Variants in XCL2 observed in about 807,000 individuals in gnomAD.
XCL2 encodes cytokine SCM-1 beta.
Under a neutral mutation model 7.2 loss-of-function variants are expected in XCL2, and 8 were observed. The ratio of observed to expected loss-of-function variants is 1.10; its 90% CI spans 0.65 to 1.99. The LOEUF (loss-of-function observed/expected upper bound fraction) is 1.99, where lower values mean the gene tolerates loss of function less well. Ranked by LOEUF, XCL2 falls within the 30% of genes most tolerant of loss-of-function variation. The pLI, the probability that XCL2 is intolerant of heterozygous loss-of-function variation, is 0.00. For missense variants in XCL2, 131 were observed against 138.6 expected (o/e 0.94, Z 0.28); for synonymous variants, 46 against 54.2 (o/e 0.85, Z 0.67).
At chr1:168,542,474 T>C (rs1737519) in intron 1 of XCL2, among the ~76,000 whole-genome samples, 5 of 152,160 alleles carry the variant, frequency 3.3e-5, no homozygotes, top group Non-Finnish European at 5.9e-5. Flanking sequence ...ACATGTTTTA[T>C]TAAGACAGAC....
chr1:168,541,730 C>A (rs1206283144), intron 2 of XCL2, among the ~76,000 whole-genome samples: 5 of 152,164 alleles, frequency 3.3e-5, no homozygotes, highest in Non-Finnish European at 7.3e-5. Flanking sequence ...CAGAGCTGTG[C>A]ACAGTATTCA....
intron 1 of XCL2, chr1:168,542,889 T>A (rs921613441): frequency 4.4e-6 from 1 of 229,816 alleles, no homozygotes; most frequent in African/African-American, 2.3e-5. Flanking sequence ...AAAAGAGACC[T>A]CCACTGCTTT....
intron 1 of XCL2, among the ~76,000 whole-genome samples, chr1:168,542,366 C>T (rs1185408824): frequency 5.3e-5 from 8 of 151,792 alleles, no homozygotes; most frequent in Admixed American, 5.3e-4. Flanking sequence ...GATGTTATCC[C>T]GTCTCTGTGT....
intron 2 of XCL2, among the ~76,000 whole-genome samples, chr1:168,541,774 CTTCTA>C (rs1654288728): frequency 6.6e-6 from 1 of 152,152 alleles, no homozygotes; most frequent in Non-Finnish European, 1.5e-5. Flanking sequence ...TAGAGGAGGA[CTTCTA>C]TTCTTTCTTT....
Position 168,541,891 on chromosome 1 carries a change from C to G in XCL2, c.176+102G>C, listed in dbSNP as rs1012993052. 75 of 1,000,476 alleles carry G rather than the reference C, an allele frequency of 7.5e-5. No individual in the cohort carries two copies. The Admixed American group carries it at 1.7e-3, about 23-fold the overall frequency. 62.0% of individuals were successfully genotyped at this position (1,000,476 alleles called of 1,614,324 possible). On this transcript the variant is annotated intron_variant, in intron 2 of 2. Coordinates refer to ENST00000367819, the MANE Select transcript of XCL2 (RefSeq NM_003175.4). ...TTTTTGGTTAAGTTGAGGTGTTCCT[C>G]TATGCTGACCTACTTTTCCTGAGGA...
chr1:168,540,931 C>T lies in XCL2; in HGVS notation c.*21G>A, dbSNP rs749132785. On this transcript the variant is annotated 3_prime_UTR_variant, in exon 3 of 3. Transcript: ENST00000367819. ...GTGAAATGAGCTGGCTGGCTGGAGA[C>T]GGACAGGGTGCCAGAGACTACTAGC... The T allele has an allele frequency of 5.7e-5, 92 of 1,609,942 alleles. No homozygotes were observed. The Middle Eastern group carries it at 6.6e-4, about 12-fold the overall frequency.
In XCL2 at chr1:168,541,028, G is replaced by C; in HGVS notation, c.269C>G (p.Thr90Ser). The C allele has an allele frequency of 6.2e-7, 1 of 1,613,658 alleles. No individual in the cohort carries two copies. The highest frequency in any genetic ancestry group is 8.5e-7 in the Non-Finnish European group (1 of 1,179,720). Reference sequence around the variant, plus strand: ...CTTGGTCTGGATCATGTTATTTCTGGTGTTGGATTTCCTGTCCATGCTCCT... The same window carrying C: ...CTTGGTCTGGATCATGTTATTTCTGCTGTTGGATTTCCTGTCCATGCTCCT... ...VVRSMDRKSN[T>S]RNNMIQTKPT... Residue 90 changes from threonine (T) to serine (S), a missense_variant, in exon 3 of 3, where the codon ACC becomes AGC. Physicochemically the swap from Thr to Ser is moderately conservative, Grantham distance 58. Transcript: ENST00000367819.
intron 2 of XCL2, among the ~76,000 whole-genome samples, chr1:168,541,760 C>A (rs543310970): frequency 2.6e-5 from 4 of 152,166 alleles, no homozygotes; most frequent in Admixed American, 1.3e-4. Flanking sequence ...TCCACTAAGA[C>A]AAATAGAGGA....
rs749535844 is a variant in XCL2 at position 168,543,890 on chromosome 1, G to A, written c.61+14C>T. The stretch of plus-strand genomic sequence containing the variant: ...CTCCCTATTCTTTATCTCACAGACA[G>A]CTTCTCCACTTACCTTCCACAATGT... On this transcript the variant is annotated intron_variant, in intron 1 of 2. Transcript: ENST00000367819. The A allele has an allele frequency of 1.3e-6, 2 of 1,598,462 alleles. No individual in the cohort carries two copies. Among genetic ancestry groups the A allele is most frequent in the East Asian group, 2.2e-5 (1 of 44,834 alleles).
intron 1 of XCL2, chr1:168,542,949 A>T: frequency 6.3e-6 from 2 of 318,010 alleles, no homozygotes; most frequent in South Asian, 6.0e-5. Flanking sequence ...GCTATCCTCT[A>T]TAAGCAGCTG....
In XCL2 at chr1:168,542,036, T is replaced by C. The variant is rs537245270; in HGVS notation, c.133A>G (p.Ile45Val). The C allele has an allele frequency of 1.2e-6, 2 of 1,605,596 alleles. No homozygotes were observed. The highest frequency in any genetic ancestry group is 1.3e-5 in the African/African-American group (1 of 74,752). ...CCTTCCGTGATGGTGTAGGTCTTGA[T>C]TCTGCTAACTGGCAGTCGCTGGGTA... Reference protein sequence around the residue: ...LTTQRLPVSRIKTYTITEGSL... With the variant: ...LTTQRLPVSRVKTYTITEGSL... Residue 45 changes from isoleucine to valine, a missense_variant, in exon 2 of 3, where the codon ATC (isoleucine) becomes GTC (valine). Physicochemically the swap from Ile to Val is conservative, Grantham distance 29 (BLOSUM62 3). Coordinates refer to ENST00000367819, the MANE Select transcript of XCL2 (RefSeq NM_003175.4).
intron 1 of XCL2, among the ~76,000 whole-genome samples, chr1:168,542,375 G>A (rs557232349): frequency 4.7e-4 from 72 of 151,876 alleles, no homozygotes; most frequent in Non-Finnish European, 9.1e-4. Context: ...CCGTCTCTGT[G>A]TATATTTTCA....
At chr1:168,541,153 C>G in intron 2 of XCL2, 33 bp from the exon 3 acceptor site, 5 of 1,609,136 alleles carry the variant, frequency 3.1e-6, no homozygotes, top group African/African-American at 2.7e-5. Flanking sequence ...ATGAAGTTAG[C>G]CACGTTCTCA....
At chr1:168,543,283 C>A in intron 1 of XCL2, 1 of 216,414 alleles carries the variant, frequency 4.6e-6, no homozygotes, top group Admixed American at 5.5e-5. Flanking sequence ...TCCCTTATTG[C>A]ATTATCAAGG....
In XCL2 at chr1:168,540,870, A is replaced by G. The variant is rs1040718470; in HGVS notation, c.*82T>C. 11 of 1,485,894 alleles carry G rather than the reference A, an allele frequency of 7.4e-6. No homozygotes were observed. In the African/African-American group the frequency reaches 9.8e-5, roughly 13 times the overall value. 92.0% of individuals were successfully genotyped at this position (1,485,894 alleles called of 1,614,324 possible). On this transcript the variant is annotated 3_prime_UTR_variant, in exon 3 of 3. Coordinates refer to ENST00000367819, the MANE Select transcript of XCL2 (RefSeq NM_003175.4). ...ATTTTATTCATGCAGTGCTTTCATA[A>G]AAGGTGAGTATAATCTCAGTCCATG...
At position 168,540,835 on chromosome 1, in the gene XCL2, C is replaced by T. The variant is rs910838674; in HGVS notation, c.*117G>A. ...CAGAAGACATTTAAAAGTAAAAATA[C>T]AAAGGAATAATTTTATTCATGCAGT... On this transcript the variant is annotated 3_prime_UTR_variant, in exon 3 of 3. Coordinates refer to ENST00000367819, the MANE Select transcript of XCL2 (RefSeq NM_003175.4). The T allele has an allele frequency of 8.1e-7, 1 of 1,232,320 alleles. No homozygotes were observed. The highest frequency in any genetic ancestry group is 1.5e-5 in the African/African-American group (1 of 65,776). 76.3% of individuals were successfully genotyped at this position (1,232,320 alleles called of 1,614,324 possible). A position where few individuals can be genotyped will look rare whatever the true frequency, so the allele number is the denominator to read the frequency against.
Position 168,542,010 on chromosome 1 carries a change from G to A in XCL2, c.159C>T (p.Gly53=), listed in dbSNP as rs765409091. The change falls in exon 2 of 3, where the codon GGC becomes GGT. Residue 53 remains glycine (G), a synonymous_variant. Transcript: ENST00000367819. ...AGACTCACATTACTGCTCTCAAGGA[G>A]CCTTCCGTGATGGTGTAGGTCTTGA... ...SRIKTYTITE[G]SLRAVIFITK... 11 of 1,610,632 alleles carry A rather than the reference G, an allele frequency of 6.8e-6. No individual in the cohort carries two copies. The highest frequency in any genetic ancestry group is 1.7e-5 in the Admixed American group (1 of 59,510).
intron 2 of XCL2, among the ~76,000 whole-genome samples, chr1:168,541,645 C>A (rs1220208636): frequency 6.6e-6 from 1 of 152,094 alleles, no homozygotes; most frequent in Non-Finnish European, 1.5e-5. Flanking sequence ...CCTAACTCAA[C>A]CCTAAGATCC....
intron 2 of XCL2, among the ~76,000 whole-genome samples, chr1:168,541,418 T>G (rs779536047): frequency 2.0e-5 from 3 of 152,200 alleles, no homozygotes; most frequent in Non-Finnish European, 4.4e-5. Flanking sequence ...AGTTCCATTA[T>G]TATATAACCT....
Sources: gnomAD v4.1 joint callset for allele counts (sites outside exome capture counted in the v4.1 genomes callset) on GRCh38, gnomAD v4.1.1 for gene constraint, MANE v1.5 for transcripts, NCBI Gene and HGNC (gene_info 2026-07-23, HGNC 2026-07-21) for gene names.